UPK1A: variants seen among roughly 807,000 people sequenced by gnomAD.
The protein encoded by UPK1A is uroplakin-1a.
UPK1A carries 31 observed loss-of-function variants against 32.3 expected under a neutral mutation model. The ratio of observed to expected loss-of-function variants is 0.96; its 90% confidence interval spans 0.72 to 1.30. The LOEUF is 1.30. UPK1A is among the 50% of genes most tolerant of loss of function. UPK1A has a pLI of 0.00. For synonymous variants in UPK1A, 135 were observed against 137.1 expected (o/e 0.98, Z 0.11); for missense variants, 340 against 357.4 (o/e 0.95, Z 0.39).
At position 35,677,661 on chromosome 19, in the gene UPK1A, G is replaced by A. The variant is rs1968201658; in HGVS notation, c.649-151G>A. 4 of 1,035,350 alleles carry A rather than the reference G, an allele frequency of 3.9e-6. No homozygotes were observed. The Admixed American group carries it at 9.1e-5, about 24-fold the overall frequency. The allele number at this position is 1,035,350 out of a possible 1,614,324, so 64.1% of individuals were successfully genotyped here. On this transcript the variant is annotated intron_variant, in intron 6 of 7. Coordinates refer to ENST00000617999, the Ensembl canonical transcript of UPK1A. Reference sequence around the variant, plus strand: ...TCCCTGGGGCCCCGAAACCACCCGAGGAGGTGGACAGTGCCATGGTCCCCA... The same window carrying A: ...TCCCTGGGGCCCCGAAACCACCCGAAGAGGTGGACAGTGCCATGGTCCCCA...
chr19:35,668,300 C>A, intron 2 of UPK1A, 154 bp from the exon 3 acceptor site: 1 of 882,750 alleles, frequency 1.1e-6, no homozygotes, highest in Non-Finnish European at 1.8e-6. Flanking sequence ...GGCCTCTGCT[C>A]ACCCTCATCG....
At chr19:35,669,286 TG>T in intron 3 of UPK1A, among the ~76,000 whole-genome samples, 1 of 152,076 alleles carries the variant, frequency 6.6e-6, no homozygotes, top group East Asian at 1.9e-4. Context: ...CTCTTGAGGC[TG>T]TGCTCTTAAT....
At chr19:35,668,415 G>A in intron 2 of UPK1A, 39 bp from the exon 3 acceptor site, 1 of 1,611,226 alleles carries the variant, frequency 6.2e-7, no homozygotes, top group Non-Finnish European at 8.5e-7. Context: ...CAGGGCTGCT[G>A]GCCCCGAGCA....
In UPK1A at chr19:35,677,965, TC is replaced by T; in HGVS notation, c.733-8del. 6.3e-7 allele frequency: 1 copy of T among 1,597,062 alleles called. No individual in the cohort carries two copies. Among genetic ancestry groups the T allele is most frequent in the South Asian group, 1.1e-5 (1 of 88,446 alleles). ...GGCGGAGTGCCCTCATCTCGCTGCC[TC>T]CTCGCCAGCTCCCGGTCATGCTGAT... On this transcript the variant is annotated splice_polypyrimidine_tract_variant and intron_variant, in intron 7 of 7. Coordinates refer to ENST00000617999, the Ensembl canonical transcript of UPK1A.
chr19:35,678,044 C>G (rs749683624), exon 8 of UPK1A: 2 of 1,559,526 alleles, frequency 1.3e-6, no homozygotes, highest in Non-Finnish European at 1.7e-6. Context: ...AGGCAACATA[C>G]ACACCCCGGA....
At chr19:35,672,478 G>A (rs912527096) in intron 3 of UPK1A, among the ~76,000 whole-genome samples, 2 of 152,186 alleles carry the variant, frequency 1.3e-5, no homozygotes, top group Non-Finnish European at 2.9e-5. Context: ...ATATTGGTCA[G>A]GCTGGTCTTG....
At chr19:35,669,576 C>T (rs1042632449) in intron 3 of UPK1A, among the ~76,000 whole-genome samples, 7 of 151,414 alleles carry the variant, frequency 4.6e-5, no homozygotes, top group African/African-American at 1.2e-4. Flanking sequence ...GAGGCTGGGG[C>T]GGAAGAATCA....
intron 3 of UPK1A, among the ~76,000 whole-genome samples, chr19:35,671,012 C>T (rs928416027): frequency 2.0e-5 from 3 of 151,960 alleles, no homozygotes; most frequent in African/African-American, 7.2e-5. Flanking sequence ...ACCACACCTG[C>T]CCTCTTATTT....
intron 2 of UPK1A, among the ~76,000 whole-genome samples, chr19:35,667,306 T>TTTGTGTTTTG (rs910204227): frequency 6.7e-6 from 1 of 150,084 alleles, no homozygotes; most frequent in African/African-American, 2.5e-5. Context: ...GGTTTTGTGT[T>TTTGTGTTTTG]TTTTGTTTTG....
intron 2 of UPK1A, chr19:35,668,118 TC>T: frequency 2.5e-6 from 1 of 400,064 alleles, no homozygotes. Flanking sequence ...ATGGCCATGT[TC>T]CCCTCCTCGG....
In UPK1A at chr19:35,666,797, C is replaced by T. The variant is rs1345189013; in HGVS notation, c.-4-12C>T. The T allele has an allele frequency of 2.5e-6, 4 of 1,613,862 alleles. No homozygotes were observed. Among genetic ancestry groups the T allele is most frequent in the South Asian group, 2.2e-5 (2 of 91,060 alleles). The stretch of plus-strand genomic sequence containing the variant: ...TTACGCTCCTGGCCTCATCCCTGCT[C>T]ATGTGTCCCAGGATGATGGCGTCTG... On this transcript the variant is annotated splice_polypyrimidine_tract_variant and intron_variant, in intron 1 of 7. Transcript: ENST00000617999.
chr19:35,668,368 A>G (rs765273297), intron 2 of UPK1A, 86 bp from the exon 3 acceptor site: 7 of 1,543,060 alleles, frequency 4.5e-6, no homozygotes. Context: ...GGAGGCTCCA[A>G]ATGGGGAGGG....
intron 4 of UPK1A, 24 bp downstream of exon 4, chr19:35,673,330 G>C (rs770175960): frequency 3.1e-6 from 5 of 1,613,784 alleles, no homozygotes; most frequent in Non-Finnish European, 4.2e-6. Context: ...GGCCTGGGGA[G>C]GGGCCTGACC....
Position 35,666,911 on chromosome 19 carries a change from A to G in UPK1A, c.84+15A>G, listed in dbSNP as rs1968007360. The G allele has an allele frequency of 6.2e-7, 1 of 1,613,554 alleles. No individual in the cohort carries two copies. ...TCATTATTCTGGTGAGACTCGCCCC[A>G]GTGCTGGGAGCCGAGTGGTTGTGTG... On this transcript the variant is annotated intron_variant, in intron 2 of 7. Transcript: ENST00000617999.
chr19:35,668,433 C>T (rs773028832), intron 2 of UPK1A, 21 bp from the exon 3 acceptor site: 1 of 1,613,848 alleles, frequency 6.2e-7, no homozygotes, highest in Non-Finnish European at 8.5e-7. Flanking sequence ...GCAGACCTTC[C>T]TAACCCACCG....
At chr19:35,669,629 C>T (rs757682749) in intron 3 of UPK1A, among the ~76,000 whole-genome samples, 26 of 152,184 alleles carry the variant, frequency 1.7e-4, no homozygotes, top group Middle Eastern at 3.4e-3. Context: ...CAAGATCACA[C>T]CACTGCATTC....
intron 2 of UPK1A, 116 bp downstream of exon 2, chr19:35,667,012 A>T (rs1335619427): frequency 6.9e-6 from 7 of 1,020,128 alleles, no homozygotes; most frequent in Non-Finnish European, 8.9e-6. Context: ...CTCAGTGGTC[A>T]GCACAGCCTG....
exon 6 of UPK1A, chr19:35,675,857 A>C: frequency 1.9e-6 from 3 of 1,613,102 alleles, no homozygotes; most frequent in Non-Finnish European, 2.5e-6. Flanking sequence ...GCTGTGGCAC[A>C]TCTGGTCCCA....
At chr19:35,675,447 A>C (rs1356372076) in intron 5 of UPK1A, among the ~76,000 whole-genome samples, 1 of 151,688 alleles carries the variant, frequency 6.6e-6, no homozygotes, top group Non-Finnish European at 1.5e-5. Context: ...ACACCCGGCA[A>C]ATTTTGTATT....
Sources: allele counts gnomAD v4.1 joint callset (sites outside exome capture counted in the v4.1 genomes callset), GRCh38; gene constraint gnomAD v4.1.1; transcripts MANE v1.5; gene names NCBI Gene and HGNC (gene_info 2026-07-23, HGNC 2026-07-21).